The following ERC2 variants were observed in gnomAD, a reference collection of about 807,000 sequenced individuals.
The protein encoded by ERC2 is ELKS/RAB6-interacting/CAST family member 2, also known as ERC protein 2.
In ERC2, 42 loss-of-function variants were observed where a neutral mutation model predicts 114.8. The ratio of observed to expected loss-of-function variants is 0.37; its 90% CI spans 0.29 to 0.47. The LOEUF is 0.47. ERC2 is among the 20% of genes least tolerant of loss of function. The probability of loss-of-function intolerance (pLI) is 0.99; values close to 1 mark genes in which losing one functional copy is unlikely to be tolerated. For missense variants in ERC2, 939 were observed against 1,150.7 expected (o/e 0.82, Z 2.66); for synonymous variants, 454 against 425.5 (o/e 1.07, Z -0.82).
intron 2 of ERC2, among the ~76,000 whole-genome samples, chr3:56,412,315 T>C (rs761556060): frequency 2.0e-5 from 3 of 152,196 alleles, no homozygotes; most frequent in Non-Finnish European, 4.4e-5. Flanking sequence ...CTCCACAAAC[T>C]GTGAGAGAAG....
At chr3:55,605,032 A>G (rs1174551744) in intron 17 of ERC2, among the ~76,000 whole-genome samples, 1 of 152,220 alleles carries the variant, frequency 6.6e-6, no homozygotes, top group Non-Finnish European at 1.5e-5. Flanking sequence ...GTGGCTCTTC[A>G]AGGCACTGCA....
chr3:55,932,129 A>C (rs1009631164), intron 13 of ERC2, among the ~76,000 whole-genome samples: 3 of 152,206 alleles, frequency 2.0e-5, no homozygotes, highest in African/African-American at 4.8e-5. Flanking sequence ...TCATGAATCA[A>C]AGCAGATCTG....
At chr3:55,837,767 G>T (rs1471985224) in intron 14 of ERC2, among the ~76,000 whole-genome samples, 1 of 151,186 alleles carries the variant, frequency 6.6e-6, no homozygotes, top group Non-Finnish European at 1.5e-5. Context: ...AAAAAAGACA[G>T]AACCCGCCAG....
chr3:55,685,882 C>T (rs2148785350), intron 16 of ERC2, among the ~76,000 whole-genome samples: 1 of 152,302 alleles, frequency 6.6e-6, no homozygotes, highest in South Asian at 2.1e-4. Context: ...ACATTTAAAA[C>T]CCAACATATA....
chr3:56,418,655 G>A (rs1052452848), intron 2 of ERC2, among the ~76,000 whole-genome samples: 2 of 152,154 alleles, frequency 1.3e-5, no homozygotes, highest in African/African-American at 4.8e-5. Context: ...TTCATTTAGG[G>A]AAGTACTTTA....
At chr3:56,088,046 G>C (rs749447203) in intron 6 of ERC2, among the ~76,000 whole-genome samples, 1 of 152,084 alleles carries the variant, frequency 6.6e-6, no homozygotes, top group East Asian at 1.9e-4. Context: ...AAGATGAAAC[G>C]CTGTGTTTTC....
intron 2 of ERC2, among the ~76,000 whole-genome samples, chr3:56,303,871 G>A (rs549427986): frequency 9.2e-5 from 14 of 152,246 alleles, no homozygotes; most frequent in Admixed American, 5.9e-4. Context: ...TGGGAGAGGC[G>A]ATTAGGCAGA....
chr3:56,441,320 T>C (rs2062296046), intron 1 of ERC2, among the ~76,000 whole-genome samples: 1 of 152,146 alleles, frequency 6.6e-6, no homozygotes, highest in Admixed American at 6.5e-5. Context: ...CCGTCTTTAA[T>C]CAGCTGCATG....
At chr3:56,048,222 G>A in intron 7 of ERC2, among the ~76,000 whole-genome samples, 1 of 152,184 alleles carries the variant, frequency 6.6e-6, no homozygotes, top group East Asian at 1.9e-4. Context: ...CAGGAACAGA[G>A]GGGGCAGGAA....
At chr3:55,889,068 A>AC (rs1402310380) in intron 13 of ERC2, among the ~76,000 whole-genome samples, 2 of 152,172 alleles carry the variant, frequency 1.3e-5, no homozygotes, top group Non-Finnish European at 2.9e-5. Context: ...GAGTGGCTTG[A>AC]CCCAATTTCA....
chr3:55,865,613 T>G (rs892633360), intron 14 of ERC2, among the ~76,000 whole-genome samples: 6 of 152,050 alleles, frequency 3.9e-5, no homozygotes, highest in African/African-American at 1.4e-4. Context: ...ACCAGTCACC[T>G]CTCTCACTCT....
intron 15 of ERC2, among the ~76,000 whole-genome samples, chr3:55,731,118 T>C (rs1041049291): frequency 4.6e-5 from 7 of 152,238 alleles, no homozygotes; most frequent in Non-Finnish European, 1.0e-4. Flanking sequence ...TATGGGCCTC[T>C]TCAGTGCAGG....
At chr3:55,654,034 G>C (rs528104736) in intron 17 of ERC2, among the ~76,000 whole-genome samples, 1 of 152,334 alleles carries the variant, frequency 6.6e-6, no homozygotes, top group South Asian at 2.1e-4. Flanking sequence ...AGAAGGCCCA[G>C]ATAGCTGGGA....
chr3:56,378,010 C>G (rs920855817), intron 2 of ERC2, among the ~76,000 whole-genome samples: 3 of 152,156 alleles, frequency 2.0e-5, no homozygotes, highest in Non-Finnish European at 4.4e-5. Flanking sequence ...ATCACAAAAC[C>G]AGCAAGCTCA....
intron 7 of ERC2, 69 bp from the exon 8 acceptor site, chr3:56,019,100 A>C: frequency 8.3e-7 from 1 of 1,200,182 alleles, no homozygotes; most frequent in Admixed American, 2.6e-5. Context: ...CCTGAAGTGG[A>C]TCTATTAATA....
chr3:56,100,127 C>T (rs1330450678), intron 6 of ERC2, among the ~76,000 whole-genome samples: 4 of 152,194 alleles, frequency 2.6e-5, no homozygotes, highest in South Asian at 2.1e-4. Context: ...AAACCTATTT[C>T]ACTCTAACAT....
chr3:55,952,342 G>A (rs2067642433), intron 12 of ERC2, among the ~76,000 whole-genome samples: 1 of 151,720 alleles, frequency 6.6e-6, no homozygotes, highest in Non-Finnish European at 1.5e-5. Context: ...TCTTTGAGTT[G>A]CATTAATTTT....
At chr3:56,079,746 T>C (rs1560137453) in intron 7 of ERC2, among the ~76,000 whole-genome samples, 1 of 152,138 alleles carries the variant, frequency 6.6e-6, no homozygotes, top group Non-Finnish European at 1.5e-5. Context: ...AATTATGTAA[T>C]TGGTTGTGAC....
intron 14 of ERC2, among the ~76,000 whole-genome samples, chr3:55,836,278 A>C (rs2060880309): frequency 6.6e-6 from 1 of 152,202 alleles, no homozygotes; most frequent in Admixed American, 6.5e-5. Context: ...GGAACCAAAA[A>C]ACAGCCCGCA....
Sources: gnomAD v4.1 joint callset for allele counts (sites outside exome capture counted in the v4.1 genomes callset) on GRCh38, gnomAD v4.1.1 for gene constraint, MANE v1.5 for transcripts, NCBI Gene and HGNC (gene_info 2026-07-23, HGNC 2026-07-21) for gene names.